SLIT1: variants seen among roughly 807,000 people sequenced by gnomAD.
SLIT1 encodes the protein slit guidance ligand 1, also known as slit homolog 1 protein.
In SLIT1, 66 loss-of-function variants were observed where a neutral mutation model predicts 186.1. The observed-to-expected ratio is 0.35, with a 90% CI of 0.29 to 0.44. SLIT1 has a LOEUF of 0.44. Ranked by LOEUF, SLIT1 falls within the 20% of genes least tolerant of loss-of-function variation. The pLI, the probability that SLIT1 is intolerant of heterozygous loss-of-function variation, is 1.00. For synonymous variants in SLIT1, 761 were observed against 833.8 expected, an observed-to-expected ratio of 0.91 and a Z score of 1.50; for missense variants, 1,638 against 2,037.4, an observed-to-expected ratio of 0.80 and a Z score of 3.77.
intron 9 of SLIT1, among the ~76,000 whole-genome samples, chr10:97,060,378 C>G (rs1431347410): frequency 1.3e-5 from 2 of 152,224 alleles, no homozygotes; most frequent in Admixed American, 6.5e-5. Context: ...GAAAGGGGCC[C>G]ACAAATGATG....
Position 97,184,583 on chromosome 10 carries a change from CCAAA to C in SLIT1, c.197+891_197+894del, listed in dbSNP as rs1400122528. Among the ~76,000 whole-genome samples, 1 of 151,200 alleles carries C rather than the reference CCAAA, an allele frequency of 6.6e-6. No homozygotes were observed. The highest frequency in any genetic ancestry group is 1.5e-5 in the Non-Finnish European group (1 of 67,680). ...TGTAAATACACACACTCAAACACAC[CCAAA>C]CACACACACACACATTCTACTAGCT... On this transcript the variant is annotated intron_variant, in intron 1 of 36. Transcript: ENST00000266058. This position sits in a 1 kb window ranked among gnomAD's most constrained non-coding sequence, Gnocchi z 4.4.
At position 97,064,813 on chromosome 10, in the gene SLIT1, C is replaced by T; in HGVS notation, c.549G>A (p.Leu183=). The T allele has an allele frequency of 6.2e-7, 1 of 1,610,734 alleles. No homozygotes were observed. Among genetic ancestry groups the T allele is most frequent in the Non-Finnish European group, 8.5e-7 (1 of 1,178,302 alleles). The change falls in exon 6 of 37, where the codon CTG becomes CTA. Residue 183 remains leucine, a synonymous_variant. Coordinates refer to ENST00000266058, the MANE Select transcript of SLIT1 (RefSeq NM_003061.3). ...TTCCATGCTTTACTTACAGCACCTC[C>T]AGCCCCCGCAGAGCACGGAAGGCCC... ...EEGAFRALRG[L]EVLTLNNNNI...
chr10:97,115,006 C>T (rs1002235576), intron 4 of SLIT1, among the ~76,000 whole-genome samples: 1 of 152,360 alleles, frequency 6.6e-6, no homozygotes, highest in Admixed American at 6.5e-5. Context: ...ACAGTCTCTG[C>T]TGTCTGTCTT....
Position 97,046,817 on chromosome 10 carries a change from G to A in SLIT1, c.1710-20C>T. On this transcript the variant is annotated intron_variant, in intron 17 of 36. Transcript: ENST00000266058. ...AGATTGCTGGGAGAAGAGGCGGGGG[G>A]AGGATTACATATGGCCAGCAGCCAG... 1.9e-6 allele frequency: 3 copies of A among 1,609,266 alleles called. No individual in the cohort carries two copies. Among genetic ancestry groups the A allele is most frequent in the Non-Finnish European group, 2.5e-6 (3 of 1,179,678 alleles).
At chr10:97,065,068 C>A (rs1848931169) in intron 5 of SLIT1, among the ~76,000 whole-genome samples, 192 bp from the exon 6 acceptor site, 1 of 152,084 alleles carries the variant, frequency 6.6e-6, no homozygotes, top group African/African-American at 2.4e-5. Flanking sequence ...CAGTTAAAAT[C>A]ATAAATATAA....
chr10:97,158,788 G>A (rs1445415083), intron 3 of SLIT1, among the ~76,000 whole-genome samples: 1 of 151,844 alleles, frequency 6.6e-6, no homozygotes, highest in African/African-American at 2.4e-5. Context: ...GCTGAGGTGG[G>A]AGAATCACTT....
At chr10:97,059,705 T>A in intron 10 of SLIT1, 174 bp from the exon 11 acceptor site, 3 of 651,050 alleles carry the variant, frequency 4.6e-6, no homozygotes, top group Non-Finnish European at 8.3e-6. Context: ...GCTATTTCCC[T>A]GTGCAGTCTG....
chr10:97,090,966 T>C (rs1849224955), intron 4 of SLIT1, among the ~76,000 whole-genome samples: 1 of 152,212 alleles, frequency 6.6e-6, no homozygotes. Flanking sequence ...CCTGCCTCAC[T>C]GCCCCAGGAG....
intron 1 of SLIT1, among the ~76,000 whole-genome samples, chr10:97,181,242 G>T (rs1276798298): frequency 6.6e-6 from 1 of 152,244 alleles, no homozygotes; most frequent in Non-Finnish European, 1.5e-5. Context: ...CACAGCGCAG[G>T]CCTCTGCTGC....
chr10:97,126,269 G>A (rs943666498), intron 4 of SLIT1, among the ~76,000 whole-genome samples: 5 of 152,216 alleles, frequency 3.3e-5, no homozygotes, highest in Admixed American at 1.3e-4. Flanking sequence ...TGTAACAGAC[G>A]TGAACGTGCA....
chr10:97,162,008 G>A (rs1850034291), intron 3 of SLIT1, among the ~76,000 whole-genome samples: 1 of 152,140 alleles, frequency 6.6e-6, no homozygotes, highest in African/African-American at 2.4e-5. Context: ...TAGAGTGGTG[G>A]TAGCTATAAT....
Position 97,056,135 on chromosome 10 carries a change from A to G in SLIT1, c.1301+186T>C, listed in dbSNP as rs112769816. 8.5e-3 allele frequency among the ~76,000 whole-genome samples: 1,301 copies of G among 152,326 alleles called. 27 individuals are homozygous for G. Among genetic ancestry groups the G allele is most frequent in the African/African-American group, 0.03 (1,240 of 41,578 alleles). On this transcript the variant is annotated intron_variant, in intron 13 of 36. Transcript: ENST00000266058. Reference sequence around the variant, plus strand: ...GAAGCTGCCCAGAATCACACAGCCAATAAGAGGCCTAGGTGGACTTTGAAC... The same window carrying G: ...GAAGCTGCCCAGAATCACACAGCCAGTAAGAGGCCTAGGTGGACTTTGAAC...
chr10:97,013,872 C>T, intron 29 of SLIT1, 38 bp from the exon 30 acceptor site: 1 of 1,541,050 alleles, frequency 6.5e-7, no homozygotes, highest in Non-Finnish European at 8.8e-7. Context: ...AGAGAAGCTG[C>T]TCTCCTGTGC....
intron 4 of SLIT1, among the ~76,000 whole-genome samples, chr10:97,130,318 A>G (rs1849641291): frequency 6.6e-6 from 1 of 152,238 alleles, no homozygotes; most frequent in Non-Finnish European, 1.5e-5. Flanking sequence ...GCCTTCATTC[A>G]TGGAAGTATT....
At chr10:97,031,994 A>G (rs972424944) in intron 23 of SLIT1, among the ~76,000 whole-genome samples, 1 of 152,214 alleles carries the variant, frequency 6.6e-6, no homozygotes, top group Non-Finnish European at 1.5e-5. Context: ...ACTCCAATAA[A>G]TCCTCAACAA....
chr10:97,012,495 G>A (rs1848420427), intron 30 of SLIT1, among the ~76,000 whole-genome samples: 2 of 152,212 alleles, frequency 1.3e-5, no homozygotes, highest in African/African-American at 4.8e-5. Context: ...ACAACCCCGG[G>A]TCCGGAGCTA....
At chr10:97,132,298 A>T (rs1236903610) in intron 4 of SLIT1, among the ~76,000 whole-genome samples, 1 of 152,102 alleles carries the variant, frequency 6.6e-6, no homozygotes, top group African/African-American at 2.4e-5. Context: ...GACAAAGCCA[A>T]CTTGAGGTTC....
intron 4 of SLIT1, among the ~76,000 whole-genome samples, chr10:97,109,644 A>G (rs1046862486): frequency 3.9e-5 from 6 of 152,250 alleles, no homozygotes; most frequent in South Asian, 2.1e-4. Flanking sequence ...TAACATTTCA[A>G]AGTAAATACT....
At position 97,004,650 on chromosome 10, in the gene SLIT1, C is replaced by T. The variant is rs1455366676; in HGVS notation, c.3710+43G>A. ...GCCCAGGAGACCTCGCCCTGGCAGTCCCGTACCCCTGAGGGCAGCTGGGGG... is the reference window on the plus strand; with the variant it reads ...GCCCAGGAGACCTCGCCCTGGCAGTTCCGTACCCCTGAGGGCAGCTGGGGG... On this transcript the variant is annotated intron_variant, in intron 33 of 36. Coordinates refer to ENST00000266058, the MANE Select transcript of SLIT1 (RefSeq NM_003061.3). This position sits in a 1 kb window ranked among gnomAD's most constrained non-coding sequence, Gnocchi z 5.1. 1.2e-6 allele frequency: 2 copies of T among 1,612,696 alleles called. No individual in the cohort carries two copies.
Sources: allele counts gnomAD v4.1 joint callset (sites outside exome capture counted in the v4.1 genomes callset), GRCh38; gene constraint gnomAD v4.1.1; non-coding constraint Gnocchi (gnomAD v3.1); transcripts MANE v1.5; gene names NCBI Gene and HGNC (gene_info 2026-07-23, HGNC 2026-07-21).